Variants in SHC4 observed in about 807,000 individuals in gnomAD.
SHC4 encodes the protein SHC-transforming protein 4.
A neutral mutation model predicts 69.4 loss-of-function variants in SHC4; 41 were observed. That is an observed-to-expected ratio of 0.59 (90% CI 0.46 to 0.77). The LOEUF is 0.77. Ranked by LOEUF, SHC4 falls within the 30% of genes least tolerant of loss-of-function variation. The pLI is 0.00. For synonymous variants in SHC4, 318 were observed against 299.3 expected, an observed-to-expected ratio of 1.06 and a Z score of -0.64; for missense variants, 777 against 783.8, an observed-to-expected ratio of 0.99 and a Z score of 0.10.
Position 48,823,881 on chromosome 15 carries a change from A to C in SHC4, c.*2090T>G, listed in dbSNP as rs1898643615. On this transcript the variant is annotated 3_prime_UTR_variant, in exon 12 of 12. Transcript: ENST00000332408. ...TCCTTTTATTGTTTCCTTTTGCTTT[A>C]ACTGTGTCTGTGGTATTTTTAAGTG... 1 of 152,224 alleles carries C rather than the reference A, an allele frequency of 6.6e-6. No individual in the cohort carries two copies. The highest frequency in any genetic ancestry group is 2.4e-5 in the African/African-American group (1 of 41,456). 9.4% of individuals were successfully genotyped at this position (152,224 alleles called of 1,614,324 possible).
chr15:48,942,531 G>A (rs1901194264), intron 1 of SHC4, among the ~76,000 whole-genome samples: 1 of 151,892 alleles, frequency 6.6e-6, no homozygotes, highest in Admixed American at 6.6e-5. Context: ...AAGGGCACAG[G>A]GAGATCTCTA....
At chr15:48,872,463 C>A (rs1366834399) in intron 4 of SHC4, among the ~76,000 whole-genome samples, 1 of 152,182 alleles carries the variant, frequency 6.6e-6, no homozygotes, top group African/African-American at 2.4e-5. Flanking sequence ...GGAGAGAAAG[C>A]ATCTCTCTCT....
chr15:48,846,477 T>C (rs981647563), intron 9 of SHC4, among the ~76,000 whole-genome samples: 20 of 152,120 alleles, frequency 1.3e-4, no homozygotes, highest in Non-Finnish European at 1.5e-5. Flanking sequence ...TCCCCCTCCT[T>C]TACTTTACTT....
intron 4 of SHC4, chr15:48,878,133 T>C: frequency 6.6e-7 from 1 of 1,511,722 alleles, no homozygotes; most frequent in Non-Finnish European, 8.9e-7. Context: ...GCGCAGCATC[T>C]GTCTTGCTGG....
At chr15:48,898,260 T>C (rs1006624975) in intron 2 of SHC4, among the ~76,000 whole-genome samples, 4 of 152,238 alleles carry the variant, frequency 2.6e-5, no homozygotes, top group Non-Finnish European at 5.9e-5. Context: ...AACCTGCCTC[T>C]GTGGCGATAA....
chr15:48,898,645 C>T (rs1046725400), intron 2 of SHC4, among the ~76,000 whole-genome samples: 1 of 152,212 alleles, frequency 6.6e-6, no homozygotes. Context: ...CCATTAATCA[C>T]ACTGGAATGA....
intron 3 of SHC4, among the ~76,000 whole-genome samples, chr15:48,887,054 A>G (rs118131537): frequency 0.01 from 1,558 of 152,312 alleles, 64 homozygotes; most frequent in Admixed American, 0.081. Flanking sequence ...TATGTCGCAT[A>G]GTCTCTCAGG....
chr15:48,849,880 A>G (rs1000086121), intron 9 of SHC4, among the ~76,000 whole-genome samples: 3 of 152,230 alleles, frequency 2.0e-5, no homozygotes, highest in Non-Finnish European at 2.9e-5. Flanking sequence ...AATTTCTATC[A>G]TAAGAAGGCA....
At chr15:48,879,161 G>A in intron 4 of SHC4, 1 of 172,906 alleles carries the variant, frequency 5.8e-6, no homozygotes. Flanking sequence ...ATCCAACTAG[G>A]ACACATATCT....
In SHC4 at chr15:48,834,874, C is replaced by T; in HGVS notation, c.1632G>A (p.Gly544=). ...KAAESLLVKD[G]DFLVRESATS... is the part of the protein sequence containing the mutation. ...TTGCACTCTCTCGAACCAAAAAGTC[C>T]CCATCCTTTACCAAGAGGCTCTCTG... Residue 544 remains glycine (G), a synonymous_variant, in exon 11 of 12, where the codon GGG becomes GGA. Coordinates refer to ENST00000332408, the MANE Select transcript of SHC4 (RefSeq NM_203349.4). The T allele has an allele frequency of 6.2e-7, 1 of 1,614,140 alleles. No individual in the cohort carries two copies. The highest frequency in any genetic ancestry group is 8.5e-7 in the Non-Finnish European group (1 of 1,180,024).
At chr15:48,953,432 C>G (rs73402290) in intron 1 of SHC4, among the ~76,000 whole-genome samples, 3,886 of 152,154 alleles carry the variant, frequency 0.026, 180 homozygotes, top group African/African-American at 0.09. Context: ...AAAACAAACA[C>G]TGTGTAAAGC....
intron 1 of SHC4, among the ~76,000 whole-genome samples, chr15:48,948,654 C>T (rs533696362): frequency 4.4e-4 from 67 of 152,304 alleles, no homozygotes; most frequent in Admixed American, 1.5e-3. Context: ...GCCTGTAATC[C>T]CAACACTTTG....
intron 3 of SHC4, among the ~76,000 whole-genome samples, chr15:48,890,126 T>G (rs775304856): frequency 6.6e-6 from 1 of 152,162 alleles, no homozygotes; most frequent in African/African-American, 2.4e-5. Flanking sequence ...ATTTTACAGA[T>G]GAGTAAACCA....
intron 2 of SHC4, among the ~76,000 whole-genome samples, chr15:48,913,895 A>C (rs1265619239): frequency 6.6e-6 from 1 of 152,216 alleles, no homozygotes; most frequent in Non-Finnish European, 1.5e-5. Context: ...GTGTTTGTTC[A>C]GGAGAGGAGG....
rs563008376 is a variant in SHC4 at position 48,915,861 on chromosome 15, T to G, written c.656+9018A>C. On this transcript the variant is annotated intron_variant, in intron 2 of 11. Transcript: ENST00000332408. ...CTCCTTAGCACTCTTCTCAGTAAAT[T>G]TTTTCACTGGGGAATGTTCCCTTGT... is the stretch of plus-strand genomic sequence containing the variant. Among the ~76,000 whole-genome samples, 3 of 152,162 alleles carry G rather than the reference T, an allele frequency of 2.0e-5. No homozygotes were observed. The South Asian group carries it at 6.2e-4, about 31-fold the overall frequency.
intron 4 of SHC4, 102 bp downstream of exon 4, chr15:48,884,146 G>T: frequency 7.8e-7 from 1 of 1,288,898 alleles, no homozygotes; most frequent in Non-Finnish European, 1.0e-6. Context: ...TGCTGTATTA[G>T]GTTGTAGGCA....
chr15:48,885,142 A>C (rs1290243950), intron 3 of SHC4, among the ~76,000 whole-genome samples: 1 of 152,222 alleles, frequency 6.6e-6, no homozygotes, highest in Non-Finnish European at 1.5e-5. Flanking sequence ...TGTGGTGAAG[A>C]ATCATGAGAG....
At chr15:48,878,791 C>T in intron 4 of SHC4, 3 of 1,524,840 alleles carry the variant, frequency 2.0e-6, no homozygotes, top group Non-Finnish European at 1.8e-6. Flanking sequence ...ACCCAACTTT[C>T]CGCTATCTTT....
At chr15:48,840,838 C>T (rs566851665) in intron 10 of SHC4, among the ~76,000 whole-genome samples, 51 of 152,136 alleles carry the variant, frequency 3.4e-4, no homozygotes, top group African/African-American at 1.2e-3. Context: ...ACATTAAATC[C>T]TAATAGGAAA....
Sources: allele counts gnomAD v4.1 joint callset (sites outside exome capture counted in the v4.1 genomes callset), GRCh38; gene constraint gnomAD v4.1.1; transcripts MANE v1.5; gene names NCBI Gene and HGNC (gene_info 2026-07-23, HGNC 2026-07-21).